RBFOX1: variants seen among roughly 807,000 people sequenced by gnomAD.
RBFOX1 encodes RNA binding fox-1 homolog 1.
Under a neutral mutation model 57.7 loss-of-function variants are expected in RBFOX1, and 8 were observed. The ratio of observed to expected loss-of-function variants is 0.14; its 90% CI spans 0.08 to 0.25. RBFOX1 has a LOEUF of 0.25. Ranked by LOEUF, RBFOX1 falls within the 10% of genes least tolerant of loss-of-function variation. RBFOX1 has a pLI of 1.00. For missense variants in RBFOX1, 611 were observed against 548.5 expected (o/e 1.11, Z -1.14); for synonymous variants, 326 against 222.4 (o/e 1.47, Z -4.15).
intron 1 of RBFOX1, among the ~76,000 whole-genome samples, chr16:6,192,571 ATCT>A (rs1173290248): frequency 6.6e-6 from 1 of 152,118 alleles, no homozygotes; most frequent in Non-Finnish European, 1.5e-5. Context: ...GTCACTAAGC[ATCT>A]TCTTATAATT....
chr16:6,686,658 G>C (rs1001368673), intron 3 of RBFOX1, among the ~76,000 whole-genome samples: 2 of 152,112 alleles, frequency 1.3e-5, no homozygotes, highest in East Asian at 1.9e-4. Flanking sequence ...GTCCTTTTGA[G>C]ACACAAAGGT....
chr16:6,445,513 A>G (rs1056856311), intron 2 of RBFOX1, among the ~76,000 whole-genome samples: 15 of 151,420 alleles, frequency 9.9e-5, no homozygotes, highest in African/African-American at 3.4e-4. Flanking sequence ...AGACAAGCCA[A>G]GGATAAAGTG....
intron 4 of RBFOX1, among the ~76,000 whole-genome samples, chr16:5,908,923 C>T (rs1056460048): frequency 6.6e-6 from 1 of 151,986 alleles, no homozygotes; most frequent in Non-Finnish European, 1.5e-5. Context: ...CAGCAAGAAG[C>T]TGGCTGTCTG....
intron 11 of RBFOX1, among the ~76,000 whole-genome samples, chr16:7,648,841 G>C (rs1236823596): frequency 6.6e-6 from 1 of 152,192 alleles, no homozygotes; most frequent in Non-Finnish European, 1.5e-5. Context: ...TGAGGGCTCT[G>C]ACAATTCCAA....
In RBFOX1 at chr16:6,520,680, C is replaced by T. The variant is rs144532448; in HGVS notation, c.-63-133923C>T. On this transcript the variant is annotated intron_variant, in intron 2 of 15. Transcript: ENST00000550418. ...AGGACCCAGGACAGTTCTGCAGGGC[C>T]TCAGCAGCAGGAACCCTGCTTAGTT... is the stretch of plus-strand genomic sequence containing the variant. 3.2e-3 allele frequency among the ~76,000 whole-genome samples: 488 copies of T among 152,282 alleles called. 3 individuals carry two copies. The highest frequency in any genetic ancestry group is 0.011 in the African/African-American group (459 of 41,544).
intron 3 of RBFOX1, among the ~76,000 whole-genome samples, chr16:6,670,607 A>G (rs992532650): frequency 2.6e-5 from 4 of 152,160 alleles, no homozygotes; most frequent in African/African-American, 9.7e-5. Flanking sequence ...GCAAATTAAA[A>G]CCATATAATA....
chr16:7,174,533 C>A (rs1320536917), intron 4 of RBFOX1, among the ~76,000 whole-genome samples: 1 of 152,154 alleles, frequency 6.6e-6, no homozygotes, highest in Non-Finnish European at 1.5e-5. Flanking sequence ...GCAATCCCAG[C>A]CCTTTGGGAG....
intron 4 of RBFOX1, among the ~76,000 whole-genome samples, chr16:6,002,262 C>T (rs533724271): frequency 2.6e-5 from 4 of 152,248 alleles, no homozygotes; most frequent in South Asian, 2.1e-4. Flanking sequence ...TAGGCATGAG[C>T]GACCGCTCGT....
chr16:5,682,437 A>G (rs908076527), intron 3 of RBFOX1, among the ~76,000 whole-genome samples: 1 of 152,222 alleles, frequency 6.6e-6, no homozygotes, highest in Non-Finnish European at 1.5e-5. Context: ...AGGTGGTGCT[A>G]GAGATAAGCA....
chr16:6,629,866 C>G (rs977137043), intron 2 of RBFOX1, among the ~76,000 whole-genome samples: 13 of 151,116 alleles, frequency 8.6e-5, no homozygotes, highest in African/African-American at 3.2e-4. Flanking sequence ...CTCATTTTAG[C>G]ACTAGCTTAA....
At chr16:6,376,396 C>T (rs1013747181) in intron 2 of RBFOX1, among the ~76,000 whole-genome samples, 1 of 152,178 alleles carries the variant, frequency 6.6e-6, no homozygotes, top group African/African-American at 2.4e-5. Flanking sequence ...TGTTCTGGAG[C>T]CCAGGAGGCT....
At chr16:7,248,978 C>G (rs914893414) in intron 4 of RBFOX1, among the ~76,000 whole-genome samples, 3 of 152,018 alleles carry the variant, frequency 2.0e-5, no homozygotes, top group African/African-American at 7.2e-5. Flanking sequence ...CTGTGGAATC[C>G]CAGATAGGTT....
At chr16:7,385,919 C>T (rs12932583) in intron 4 of RBFOX1, among the ~76,000 whole-genome samples, 55 of 135,236 alleles carry the variant, frequency 4.1e-4, no homozygotes, top group Non-Finnish European at 4.8e-4. Context: ...TGCCCAGTTA[C>T]TTATTTATTT....
rs960594432 is a variant in RBFOX1 at position 6,898,833 on chromosome 16, ATG to A, written c.-15-153217_-15-153216del. On this transcript the variant is annotated intron_variant, in intron 3 of 15. Transcript: ENST00000550418. ...GTGCATGTGTATAATACATGTGTGT[ATG>A]TGTGTGCATGTGTATGTGTAATATA... Among the ~76,000 whole-genome samples the A allele has an allele frequency of 1.9e-4, 28 of 150,958 alleles. No individual in the cohort carries two copies. In the East Asian group the frequency reaches 2.0e-3, roughly 11 times the overall value.
At chr16:6,213,814 A>G (rs1315478532) in intron 1 of RBFOX1, among the ~76,000 whole-genome samples, 1 of 152,136 alleles carries the variant, frequency 6.6e-6, no homozygotes, top group Non-Finnish European at 1.5e-5. Flanking sequence ...AGGGTTCTCA[A>G]CCTCATCACT....
At chr16:7,355,739 A>T (rs1568380745) in intron 4 of RBFOX1, among the ~76,000 whole-genome samples, 1 of 152,232 alleles carries the variant, frequency 6.6e-6, no homozygotes, top group Non-Finnish European at 1.5e-5. Flanking sequence ...CACACAAAAA[A>T]GGGTATGATG....
intron 1 of RBFOX1, among the ~76,000 whole-genome samples, chr16:5,297,936 C>G (rs926928211): frequency 3.9e-5 from 6 of 152,304 alleles, no homozygotes; most frequent in Non-Finnish European, 7.4e-5. Context: ...TGTATTCTCC[C>G]TTTTAAACAT....
chr16:6,147,504 T>G (rs2096767438), intron 1 of RBFOX1, among the ~76,000 whole-genome samples: 1 of 152,122 alleles, frequency 6.6e-6, no homozygotes, highest in Admixed American at 6.5e-5. Context: ...TGTGTCCACC[T>G]CTACACATAT....
intron 5 of RBFOX1, among the ~76,000 whole-genome samples, chr16:7,548,063 A>T (rs1454947837): frequency 6.6e-6 from 1 of 152,248 alleles, no homozygotes; most frequent in Non-Finnish European, 1.5e-5. Context: ...AGACAGGCAC[A>T]TTTTGAGCTA....
Sources: gnomAD v4.1 joint callset for allele counts (sites outside exome capture counted in the v4.1 genomes callset) on GRCh38, gnomAD v4.1.1 for gene constraint, MANE v1.5 for transcripts, NCBI Gene and HGNC (gene_info 2026-07-23, HGNC 2026-07-21) for gene names.